Variants in TINCR observed in about 807,000 individuals in gnomAD.
The protein encoded by TINCR is TINCR ubiquitin domain containing.
At chr19:5,559,179 C>G (rs935615833), downstream of TINCR, 2 of 152,208 alleles carry the variant, frequency 1.3e-5, no homozygotes, top group African/African-American at 4.8e-5. Context: ...ACCTCCACCC[C>G]CAGTGGAGAA....
At position 5,565,514 on chromosome 19, in the gene TINCR, T is replaced by C. The variant is rs377018412; in HGVS notation, c.260+2151A>G. Among the ~76,000 whole-genome samples the C allele has an allele frequency of 2.0e-5, 3 of 152,182 alleles. No individual in the cohort carries two copies. Among genetic ancestry groups the C allele is most frequent in the Admixed American group, 2.0e-4 (3 of 15,280 alleles). ...TGGCACACAGTAGGCACACAATAAA[T>C]GCTGACTCTGTACTGCATAATTACA... On this transcript the variant is annotated intron_variant, in intron 1 of 1. Transcript: ENST00000646160. The surrounding 1 kb of genome is among the most constrained non-coding windows in gnomAD (Gnocchi z 4.0).
chr19:5,563,970 G>T lies in TINCR; in HGVS notation c.261-1021C>A, dbSNP rs919848226. On this transcript the variant is annotated intron_variant, in intron 1 of 1. Transcript: ENST00000646160. The surrounding 1 kb of genome is among the most constrained non-coding windows in gnomAD (Gnocchi z 4.7). ...CATCCTCGCCAGGGGACAGCGGTAA[G>T]GCCACGTGAAAAGCCCCTAGCATCT... Among the ~76,000 whole-genome samples the T allele has an allele frequency of 1.3e-5, 2 of 152,108 alleles. No individual in the cohort carries two copies. The highest frequency in any genetic ancestry group is 4.8e-5 in the African/African-American group (2 of 41,430).
chr19:5,565,379 G>A lies in TINCR; in HGVS notation c.260+2286C>T, dbSNP rs181530244. Among the ~76,000 whole-genome samples, 14 of 152,194 alleles carry A rather than the reference G, an allele frequency of 9.2e-5. No homozygotes were observed. The highest frequency in any genetic ancestry group is 2.1e-4 in the Non-Finnish European group (14 of 68,016). ...CCACCTTCCCTGCATCCCCCACAGC[G>A]CCAATTGCGAGTTGACATTCTCCTG... On this transcript the variant is annotated intron_variant, in intron 1 of 1. Coordinates refer to ENST00000646160, the Ensembl canonical transcript of TINCR. The surrounding 1 kb of genome is among the most constrained non-coding windows in gnomAD (Gnocchi z 4.0).
chr19:5,560,993 T>C (rs182074465), downstream of TINCR: 9 of 154,018 alleles, frequency 5.8e-5, no homozygotes, highest in Non-Finnish European at 8.8e-5. This position sits in a 1 kb window ranked among gnomAD's most constrained non-coding sequence, Gnocchi z 4.5. Context: ...CCCAGGTGTA[T>C]TGGAGCTGCA....
exon 1 of TINCR, chr19:5,567,813 T>G (rs1599205072): frequency 2.5e-6 from 1 of 394,162 alleles, no homozygotes; most frequent in African/African-American, 2.1e-5. Flanking sequence ...CGCAGGTCGC[T>G]GAGCGTGTCC....
intron 1 of TINCR, among the ~76,000 whole-genome samples, chr19:5,564,265 G>A (rs2052116418): frequency 2.0e-5 from 3 of 152,182 alleles, no homozygotes; most frequent in Admixed American, 2.0e-4. Flanking sequence ...GGTCCCAAGT[G>A]TTTTTCTCAT....
chr19:5,567,572 G>A (rs1040390868), intron 1 of TINCR, 93 bp downstream of exon 1: 3 of 374,128 alleles, frequency 8.0e-6, no homozygotes, highest in Non-Finnish European at 1.4e-5. Flanking sequence ...GTGCCGGCCC[G>A]GGAGGCCGCC....
chr19:5,567,692 G>C, exon 1 of TINCR: 1 of 124,222 alleles, frequency 8.1e-6, no homozygotes, highest in Non-Finnish European at 1.6e-5. Flanking sequence ...CAGCAGCACC[G>C]AGCCGTCCTG....
At chr19:5,567,629 G>GCCCCCCCCCCCCCCCCCCCCCCCCCCCC in intron 1 of TINCR, 36 bp downstream of exon 1, 2 of 181,986 alleles carry the variant, frequency 1.1e-5, no homozygotes, top group East Asian at 1.3e-4. Context: ...CCCGGCCGCC[G>GCCCCCCCCCCCCCCCCCCCCCCCCCCCC]CCCCCGCCCC....
downstream of TINCR, chr19:5,558,678 A>G (rs974774389): frequency 6.6e-6 from 1 of 152,064 alleles, no homozygotes; most frequent in Non-Finnish European, 1.5e-5. Flanking sequence ...AGCTCTGACA[A>G]CTCCAGCCAC....
At chr19:5,567,629 G>GCCCC in intron 1 of TINCR, 36 bp downstream of exon 1, 4 of 181,984 alleles carry the variant, frequency 2.2e-5, no homozygotes, top group Non-Finnish European at 3.3e-5. Flanking sequence ...CCCGGCCGCC[G>GCCCC]CCCCCGCCCC....
rs1008374099 is a variant in TINCR, at chr19:5,563,786, G to C, written c.261-837C>G. 2.6e-5 allele frequency among the ~76,000 whole-genome samples: 4 copies of C among 152,112 alleles called. No homozygotes were observed. The highest frequency in any genetic ancestry group is 9.7e-5 in the African/African-American group (4 of 41,420). The stretch of plus-strand genomic sequence containing the variant: ...AAAAATTAGCCAGGCATGGTGGCGG[G>C]CGCCTGTAATCCCAGCTACTCAGGA... On this transcript the variant is annotated intron_variant, in intron 1 of 1. Transcript: ENST00000646160. The surrounding 1 kb of genome is among the most constrained non-coding windows in gnomAD (Gnocchi z 4.7).
At chr19:5,566,226 G>A (rs541126123) in intron 1 of TINCR, among the ~76,000 whole-genome samples, 46 of 152,174 alleles carry the variant, frequency 3.0e-4, no homozygotes, top group African/African-American at 1.0e-3. Flanking sequence ...ACACCAGAGA[G>A]ATAAAGAGAC....
At chr19:5,567,626 G>GCCTACCCCCCCCCCCCCCC in intron 1 of TINCR, 39 bp downstream of exon 1, 1 of 202,438 alleles carries the variant, frequency 4.9e-6, no homozygotes. Context: ...GTCCCCGGCC[G>GCCTACCCCCCCCCCCCCCC]CCGCCCCCGC....
At chr19:5,567,826 C>T (rs1367144051) in exon 1 of TINCR, 1 of 394,190 alleles carries the variant, frequency 2.5e-6, no homozygotes, top group Non-Finnish European at 4.5e-6. Flanking sequence ...GCGTGTCCCG[C>T]GGCCGCACGG....
downstream of TINCR, chr19:5,559,334 CT>C (rs139980198): frequency 4.0e-3 from 527 of 131,746 alleles, 1 homozygote; most frequent in African/African-American, 7.1e-3. Context: ...GGCTGTCAAT[CT>C]TTTTTTTTTT....
downstream of TINCR, chr19:5,560,707 G>A (rs2052097179): frequency 6.6e-6 from 1 of 152,336 alleles, no homozygotes; most frequent in African/African-American, 2.4e-5. This position sits in a 1 kb window ranked among gnomAD's most constrained non-coding sequence, Gnocchi z 4.5. Flanking sequence ...GAGGCATCCG[G>A]ATTTAAGGGG....
chr19:5,567,282 C>A (rs2052135131), intron 1 of TINCR, among the ~76,000 whole-genome samples: 2 of 149,704 alleles, frequency 1.3e-5, no homozygotes, highest in African/African-American at 2.5e-5. Flanking sequence ...ATGAAAGAGA[C>A]AAAGAGAGGC....
In TINCR at chr19:5,567,867, G is replaced by C. The variant is rs2052140180; in HGVS notation, c.58C>G (p.Leu20Val). The C allele has an allele frequency of 7.6e-6, 3 of 392,732 alleles. No homozygotes were observed. In the South Asian group the frequency reaches 3.8e-4, roughly 50 times the overall value. The allele number at this position is 392,732 out of a possible 1,614,324, so 24.3% of individuals were successfully genotyped here. The change falls in exon 1 of 2, where the codon CTG (leucine) becomes GTG (valine). Residue 20 changes from leucine to valine, a missense_variant. Leu to Val is a conservative substitution (Grantham distance 32). Transcript: ENST00000646160. ...GGTAGCAGCAGCGCCTCGTCCGCCA[G>C]GTGCACCTTGATGTGGTAGCGCTTC...
Sources: gnomAD v4.1 joint callset for allele counts (sites outside exome capture counted in the v4.1 genomes callset) on GRCh38, gnomAD v4.1.1 for gene constraint, Gnocchi (gnomAD v3.1) non-coding constraint, MANE v1.5 for transcripts, NCBI Gene and HGNC (gene_info 2026-07-23, HGNC 2026-07-21) for gene names.